MAGI3: variants seen among roughly 807,000 people sequenced by gnomAD.
MAGI3 encodes the protein membrane associated guanylate kinase, WW and PDZ domain containing 3, also known as membrane-associated guanylate kinase, WW and PDZ domain-containing protein 3.
In MAGI3, 43 loss-of-function variants were observed where a neutral mutation model predicts 121.8. The ratio of observed to expected loss-of-function variants is 0.35; its 90% CI spans 0.28 to 0.46. The LOEUF (loss-of-function observed/expected upper bound fraction) is 0.46, where lower values mean the gene tolerates loss of function less well. MAGI3 is among the 20% of genes least tolerant of loss of function. The pLI is 1.00. For synonymous variants in MAGI3, 553 were observed against 639.3 expected, an observed-to-expected ratio of 0.86 and a Z score of 2.04; for missense variants, 1,547 against 1,797.3, an observed-to-expected ratio of 0.86 and a Z score of 2.52.
intron 1 of MAGI3, among the ~76,000 whole-genome samples, chr1:113,431,182 G>A (rs1653281429): frequency 6.6e-6 from 1 of 152,148 alleles, no homozygotes; most frequent in African/African-American, 2.4e-5. Flanking sequence ...ACCTGGCATG[G>A]TGGTGTATGC....
intron 16 of MAGI3, among the ~76,000 whole-genome samples, chr1:113,664,611 G>T (rs910566562): frequency 3.3e-5 from 5 of 152,190 alleles, no homozygotes; most frequent in Middle Eastern, 3.4e-3. Context: ...TGATCAGAGG[G>T]TATACATGTA....
chr1:113,536,300 T>C (rs1413277675), intron 1 of MAGI3, among the ~76,000 whole-genome samples: 1 of 152,130 alleles, frequency 6.6e-6, no homozygotes, highest in East Asian at 1.9e-4. Flanking sequence ...TACAAAAATT[T>C]TGTTGGTGCT....
intron 1 of MAGI3, among the ~76,000 whole-genome samples, chr1:113,508,066 G>A (rs1291765541): frequency 6.6e-6 from 1 of 152,182 alleles, no homozygotes; most frequent in African/African-American, 2.4e-5. Flanking sequence ...TGAAAGGAAA[G>A]CTATGTGGAG....
chr1:113,524,237 A>G (rs1232063001), intron 1 of MAGI3, among the ~76,000 whole-genome samples: 1 of 152,182 alleles, frequency 6.6e-6, no homozygotes, highest in Non-Finnish European at 1.5e-5. Context: ...GGCAGTGCCA[A>G]AGCAAAATGT....
chr1:113,646,679 C>T lies in MAGI3; in HGVS notation c.2155+37C>T, dbSNP rs763079277. 57 of 1,481,504 alleles carry T rather than the reference C, an allele frequency of 3.8e-5. 1 individual carries two copies. In the South Asian group the frequency reaches 6.3e-4, roughly 16 times the overall value. The allele number at this position is 1,481,504 out of a possible 1,614,324, so 91.8% of individuals were successfully genotyped here. A position where few individuals can be genotyped will look rare whatever the true frequency, so the allele number is the denominator to read the frequency against. ...TGGAATATTTCAGGAGAGCATATAA[C>T]AAGATAAATTTGGATTTATTTTAGA... On this transcript the variant is annotated intron_variant, in intron 12 of 20. Coordinates refer to ENST00000307546, the MANE Select transcript of MAGI3 (RefSeq NM_001142782.2).
intron 1 of MAGI3, among the ~76,000 whole-genome samples, chr1:113,537,356 A>G (rs1659056279): frequency 6.6e-6 from 1 of 152,066 alleles, no homozygotes; most frequent in African/African-American, 2.4e-5. Flanking sequence ...ATTAGAAGGT[A>G]CTCTGCCACA....
intron 9 of MAGI3, among the ~76,000 whole-genome samples, chr1:113,630,007 T>C (rs1651521957): frequency 6.6e-6 from 1 of 152,106 alleles, no homozygotes; most frequent in African/African-American, 2.4e-5. Context: ...GGTGGCAAAG[T>C]GAGCTAGGTT....
chr1:113,560,145 A>G (rs889632993), intron 2 of MAGI3, among the ~76,000 whole-genome samples: 2 of 152,192 alleles, frequency 1.3e-5, no homozygotes, highest in African/African-American at 4.8e-5. Context: ...TCCTCAGCAA[A>G]TGCAAAAGAA....
At chr1:113,623,393 T>G (rs904378660) in intron 9 of MAGI3, among the ~76,000 whole-genome samples, 9 of 150,628 alleles carry the variant, frequency 6.0e-5, no homozygotes, top group Non-Finnish European at 1.2e-4. Flanking sequence ...TATTCATTCC[T>G]TCTAGCTATA....
At chr1:113,396,233 T>C (rs1304246854) in intron 1 of MAGI3, among the ~76,000 whole-genome samples, 1 of 151,990 alleles carries the variant, frequency 6.6e-6, no homozygotes, top group African/African-American at 2.4e-5. Context: ...GAATCTTGTT[T>C]TTATGGATTA....
chr1:113,638,310 T>G (rs913836861), intron 9 of MAGI3, among the ~76,000 whole-genome samples: 1 of 152,230 alleles, frequency 6.6e-6, no homozygotes, highest in Non-Finnish European at 1.5e-5. Context: ...GGCGCTCTGC[T>G]TTTTAGAGTT....
In MAGI3 at chr1:113,580,564, T is replaced by A; in HGVS notation, c.456T>A (p.Asp152Glu). 6.2e-7 allele frequency: 1 copy of A among 1,611,254 alleles called. No individual in the cohort carries two copies. Among genetic ancestry groups the A allele is most frequent in the Non-Finnish European group, 8.5e-7 (1 of 1,178,262 alleles). Residue 152 changes from aspartate (D) to glutamate (E), a missense_variant, in exon 3 of 21, where the codon GAT becomes GAA. By Grantham distance (45) the Asp-to-Glu change is conservative. Transcript: ENST00000307546. Reference sequence around the variant, plus strand: ...TAGGCACTACAAGGGCCCCCAGGGATGGAGAAGTACCAGGAGTGGATTATA... The same window carrying A: ...TAGGCACTACAAGGGCCCCCAGGGAAGGAGAAGTACCAGGAGTGGATTATA... ...TIPCTTRAPRDGEVPGVDYNF... is the reference protein window; with the variant it reads ...TIPCTTRAPREGEVPGVDYNF...
At chr1:113,545,721 G>A (rs1435106190) in intron 1 of MAGI3, among the ~76,000 whole-genome samples, 1 of 152,152 alleles carries the variant, frequency 6.6e-6, no homozygotes, top group Non-Finnish European at 1.5e-5. Flanking sequence ...AGCTGTATTT[G>A]TAAGATATAT....
intron 1 of MAGI3, among the ~76,000 whole-genome samples, chr1:113,402,829 A>G (rs953961382): frequency 6.6e-6 from 1 of 152,160 alleles, no homozygotes; most frequent in Non-Finnish European, 1.5e-5. Flanking sequence ...AAAGCTGGCC[A>G]CAGCAGAGGA....
At chr1:113,612,301 G>A (rs1650202353) in intron 6 of MAGI3, among the ~76,000 whole-genome samples, 1 of 151,896 alleles carries the variant, frequency 6.6e-6, no homozygotes. Flanking sequence ...CCAGGCAATT[G>A]GTATTCCTCT....
chr1:113,650,946 T>C, intron 13 of MAGI3, 68 bp from the exon 14 acceptor site: 1 of 1,398,218 alleles, frequency 7.2e-7, no homozygotes, highest in Non-Finnish European at 1.0e-6. Flanking sequence ...AATGCTAAGT[T>C]AGGAATTCCT....
At chr1:113,549,285 C>T (rs180740414) in intron 1 of MAGI3, among the ~76,000 whole-genome samples, 3 of 152,242 alleles carry the variant, frequency 2.0e-5, no homozygotes, top group Non-Finnish European at 4.4e-5. Context: ...TGTACCTTCT[C>T]CCTCCCTTAC....
At chr1:113,682,566 C>G (rs542321125) in intron 20 of MAGI3, 1 of 1,207,530 alleles carries the variant, frequency 8.3e-7, no homozygotes, top group Non-Finnish European at 1.0e-6. Flanking sequence ...TCTTGGGCCA[C>G]GTAATTTGGT....
chr1:113,632,030 T>G (rs1354359919), intron 9 of MAGI3, among the ~76,000 whole-genome samples: 1 of 152,224 alleles, frequency 6.6e-6, no homozygotes, highest in East Asian at 1.9e-4. Context: ...AATCCTCTGT[T>G]ATTTCACATA....
Sources: gnomAD v4.1 joint callset for allele counts (sites outside exome capture counted in the v4.1 genomes callset) on GRCh38, gnomAD v4.1.1 for gene constraint, MANE v1.5 for transcripts, NCBI Gene and HGNC (gene_info 2026-07-23, HGNC 2026-07-21) for gene names.